The following DPEP1 variants were observed in gnomAD, a reference collection of about 807,000 sequenced individuals.
DPEP1 encodes the protein dipeptidase 1.
DPEP1 carries 50 observed loss-of-function variants against 42.3 expected under a neutral mutation model. That is an observed-to-expected ratio of 1.18 (90% CI 0.94 to 1.50). The LOEUF (loss-of-function observed/expected upper bound fraction) is 1.50, where lower values mean the gene tolerates loss of function less well. DPEP1 is among the 40% of genes most tolerant of loss of function. The pLI is 0.00. For missense variants in DPEP1, 663 were observed against 553.0 expected, an observed-to-expected ratio of 1.20 and a Z score of -1.99; for synonymous variants, 297 against 234.0, an observed-to-expected ratio of 1.27 and a Z score of -2.46.
At chr16:89,627,055 A>T (rs568398175) in intron 1 of DPEP1, among the ~76,000 whole-genome samples, 1 of 150,830 alleles carries the variant, frequency 6.6e-6, no homozygotes, top group Non-Finnish European at 1.5e-5. Context: ...AGGTCAGGAG[A>T]TCGAGACCAT....
intron 1 of DPEP1, among the ~76,000 whole-genome samples, chr16:89,630,102 C>T (rs1020448773): frequency 1.3e-5 from 2 of 152,186 alleles, no homozygotes; most frequent in Middle Eastern, 3.2e-3. Context: ...GCTCTAGCTC[C>T]ACCCCTGGGT....
chr16:89,622,317 G>A (rs534022743), intron 1 of DPEP1, among the ~76,000 whole-genome samples: 143 of 152,270 alleles, frequency 9.4e-4, no homozygotes, highest in African/African-American at 3.2e-3. Flanking sequence ...CTGGTCAGTC[G>A]GGGACATGAA....
In DPEP1 at chr16:89,638,368, G is replaced by A; in HGVS notation, c.*146G>A. ...GACGCCTGGGCTTACCTGGGGGGCA[G>A]GATGCCTGGGGACAGTTCAGGACAC... On this transcript the variant is annotated 3_prime_UTR_variant, in exon 11 of 11. Transcript: ENST00000690203. 1 of 1,423,764 alleles carries A rather than the reference G, an allele frequency of 7.0e-7. No homozygotes were observed. The highest frequency in any genetic ancestry group is 9.1e-7 in the Non-Finnish European group (1 of 1,094,064). 88.2% of individuals were successfully genotyped at this position (1,423,764 alleles called of 1,614,324 possible).
chr16:89,629,414 G>C (rs1281096773), intron 1 of DPEP1, among the ~76,000 whole-genome samples: 1 of 152,108 alleles, frequency 6.6e-6, no homozygotes, highest in Non-Finnish European at 1.5e-5. Flanking sequence ...AGGCAGGAGG[G>C]TTGCTTGGGC....
rs3039849 is a variant in DPEP1 at position 89,634,091 on chromosome 16, C to CTTTTTTTTTT, written c.105-1810_105-1801dup. On this transcript the variant is annotated intron_variant, in intron 2 of 10. Transcript: ENST00000690203. The stretch of plus-strand genomic sequence containing the variant: ...TATTTTTCTTTTCTCTTCTCTTCTT[C>CTTTTTTTTTT]TTTTTTTTTTTTTTTTGGAGGGAGT... 6.1e-4 allele frequency among the ~76,000 whole-genome samples: 76 copies of CTTTTTTTTTT among 123,674 alleles called. 13 individuals are homozygous for CTTTTTTTTTT. The highest frequency in any genetic ancestry group is 9.9e-4 in the East Asian group (4 of 4,032). 81.1% of individuals were successfully genotyped at this position (123,674 alleles called of 152,430 possible). A position where few individuals can be genotyped will look rare whatever the true frequency, so the allele number is the denominator to read the frequency against.
At position 89,638,149 on chromosome 16, in the gene DPEP1, C is replaced by T. The variant is rs1567994611; in HGVS notation, c.1163C>T (p.Ser388Phe). Reference protein sequence around the residue: ...RTHYGYSSGASSLHRHWGLLL... With the variant: ...RTHYGYSSGAFSLHRHWGLLL... Reference sequence around the variant, plus strand: ...CATTACGGCTACTCCTCTGGGGCTTCCAGCCTCCATCGCCACTGGGGGCTC... The same window carrying T: ...CATTACGGCTACTCCTCTGGGGCTTTCAGCCTCCATCGCCACTGGGGGCTC... The change falls in exon 11 of 11, where the codon TCC (serine) becomes TTC (phenylalanine). Residue 388 changes from serine (S) to phenylalanine (F), a missense_variant. Coordinates refer to ENST00000690203, the MANE Select transcript of DPEP1 (RefSeq NM_001389466.1). 6.2e-7 allele frequency: 1 copy of T among 1,610,624 alleles called. No individual in the cohort carries two copies. The highest frequency in any genetic ancestry group is 8.5e-7 in the Non-Finnish European group (1 of 1,178,536).
At chr16:89,637,425 C>A in intron 7 of DPEP1, 43 bp from the exon 8 acceptor site, 1 of 1,612,670 alleles carries the variant, frequency 6.2e-7, no homozygotes, top group Non-Finnish European at 8.5e-7. Context: ...CCTGGGCAGG[C>A]CCTCCCAGCT....
chr16:89,637,038 T>C (rs1336196140), intron 6 of DPEP1, 103 bp downstream of exon 6: 6 of 1,543,310 alleles, frequency 3.9e-6, no homozygotes, highest in African/African-American at 1.4e-5. Context: ...AGTGTCCTTG[T>C]CTGTAAAATG....
intron 1 of DPEP1, among the ~76,000 whole-genome samples, chr16:89,623,338 C>CTT (rs1380909617): frequency 1.7e-4 from 26 of 151,990 alleles, no homozygotes. Context: ...GCCCTGGTAA[C>CTT]CGGGCATCTC....
chr16:89,641,173 G>T (rs532992091), downstream of DPEP1, among the ~76,000 whole-genome samples: 30 of 152,358 alleles, frequency 2.0e-4, 1 homozygote, highest in East Asian at 5.8e-3. Context: ...GAGCGTGACC[G>T]CTGAAACACA....
chr16:89,625,864 C>G (rs2059504772), intron 1 of DPEP1, among the ~76,000 whole-genome samples: 1 of 152,150 alleles, frequency 6.6e-6, no homozygotes, highest in Admixed American at 6.5e-5. Context: ...AGAAATTGAA[C>G]CAGCTCACCC....
Position 89,633,876 on chromosome 16 carries a change from A to T in DPEP1, c.105-2032A>T, listed in dbSNP as rs140260882. Among the ~76,000 whole-genome samples the T allele has an allele frequency of 3.5e-3, 535 of 152,186 alleles. 4 individuals are homozygous for T. The highest frequency in any genetic ancestry group is 0.012 in the African/African-American group (515 of 41,516). ...ACCCTCACAAGGCAGTCCCCCCGAG[A>T]CAGGGGCACAGCCCACATTACAGGA... On this transcript the variant is annotated intron_variant, in intron 2 of 10. Transcript: ENST00000690203.
intron 1 of DPEP1, among the ~76,000 whole-genome samples, chr16:89,616,444 G>A (rs1017286769): frequency 2.6e-5 from 4 of 152,186 alleles, no homozygotes; most frequent in African/African-American, 9.7e-5. Context: ...GCCGGGAGGG[G>A]TCCTTGGATG....
At position 89,627,572 on chromosome 16, in the gene DPEP1, C is replaced by CTCAG. The variant is rs2059530777; in HGVS notation, c.-106-2732_-106-2729dup. ...CCTGGGTGACCTACTGAGACTCTGT[C>CTCAG]TCAGAGAGAGAGAGAGGAAGGAGGG... is the stretch of plus-strand genomic sequence containing the variant. On this transcript the variant is annotated intron_variant, in intron 1 of 10. Coordinates refer to ENST00000690203, the MANE Select transcript of DPEP1 (RefSeq NM_001389466.1). Among the ~76,000 whole-genome samples the CTCAG allele has an allele frequency of 1.4e-5, 2 of 146,986 alleles. 1 individual carries two copies.
At chr16:89,627,893 C>T (rs1427189121) in intron 1 of DPEP1, among the ~76,000 whole-genome samples, 3 of 151,336 alleles carry the variant, frequency 2.0e-5, no homozygotes, top group East Asian at 2.0e-4. Flanking sequence ...CTCCTAACCT[C>T]GTGATCCTCC....
At chr16:89,618,253 G>A (rs4968049) in intron 1 of DPEP1, among the ~76,000 whole-genome samples, 22,878 of 152,040 alleles carry the variant, frequency 0.15, 1,998 homozygotes, top group East Asian at 0.24. Flanking sequence ...GTCTTGCTCT[G>A]TCACCCGGGC....
chr16:89,624,683 C>T lies in DPEP1; in HGVS notation c.-106-5622C>T, dbSNP rs530814212. 4.6e-5 allele frequency among the ~76,000 whole-genome samples: 7 copies of T among 152,014 alleles called. 1 individual carries two copies. In the East Asian group the frequency reaches 1.4e-3, roughly 29 times the overall value. On this transcript the variant is annotated intron_variant, in intron 1 of 10. Coordinates refer to ENST00000690203, the MANE Select transcript of DPEP1 (RefSeq NM_001389466.1). ...CGGAGTAGCTGGGATGACAGGCGCC[C>T]GCAACCACGCCCGGCTAATTTTTGT...
At position 89,636,025 on chromosome 16, in the gene DPEP1, C is replaced by T. The variant is rs1228657284; in HGVS notation, c.222C>T (p.Gly74=). 3 of 1,609,884 alleles carry T rather than the reference C, an allele frequency of 1.9e-6. No individual in the cohort carries two copies. The South Asian group carries it at 3.3e-5, about 18-fold the overall frequency. ...CCAACATCCCCAAGCTGAGGGCCGG[C>T]TTTGTGGGAGGCCAGGTACCGCCTG... ...THTNIPKLRA[G]FVGGQFWSVY... The change falls in exon 3 of 11, where the codon GGC becomes GGT. Residue 74 remains glycine (G), a synonymous_variant. Coordinates refer to ENST00000690203, the MANE Select transcript of DPEP1 (RefSeq NM_001389466.1).
chr16:89,636,186 A>C (rs1189958101), intron 3 of DPEP1, 78 bp from the exon 4 acceptor site: 21 of 1,557,918 alleles, frequency 1.3e-5, no homozygotes, highest in Non-Finnish European at 1.8e-5. Flanking sequence ...GCGGGTGGGA[A>C]ACCAGACTCC....
Sources: allele counts gnomAD v4.1 joint callset (sites outside exome capture counted in the v4.1 genomes callset), GRCh38; gene constraint gnomAD v4.1.1; transcripts MANE v1.5; gene names NCBI Gene and HGNC (gene_info 2026-07-23, HGNC 2026-07-21).